Variants in SLC5A4 observed in about 807,000 individuals in gnomAD.
SLC5A4 encodes the protein probable glucose sensor protein SLC5A4.
A neutral mutation model predicts 70.3 loss-of-function variants in SLC5A4; 55 were observed. The observed-to-expected ratio is 0.78, with a 90% CI of 0.63 to 0.98. The LOEUF (loss-of-function observed/expected upper bound fraction) is 0.98, where lower values mean the gene tolerates loss of function less well. Ranked by LOEUF, SLC5A4 falls within the 50% of genes least tolerant of loss-of-function variation. The probability of loss-of-function intolerance (pLI) is 0.00; values close to 1 mark genes in which losing one functional copy is unlikely to be tolerated. For missense variants in SLC5A4, 735 were observed against 839.2 expected, an observed-to-expected ratio of 0.88 and a Z score of 1.53; for synonymous variants, 268 against 305.7, an observed-to-expected ratio of 0.88 and a Z score of 1.29.
the SLC5A4 span, among the ~76,000 whole-genome samples, chr22:32,309,476 G>A: frequency 0.45 from 68,366 of 151,684 alleles, 15,736 homozygotes; most frequent in Admixed American, 0.51. Flanking sequence ...CTAAAAACCG[G>A]TAACTCTAGA....
the SLC5A4 span, among the ~76,000 whole-genome samples, chr22:32,348,164 C>T: frequency 2.0e-5 from 3 of 152,090 alleles, no homozygotes; most frequent in Non-Finnish European, 4.4e-5. Context: ...GGGAGGTGTC[C>T]CGTTTTTTCC....
chr22:32,336,787 C>T, the SLC5A4 span, among the ~76,000 whole-genome samples: 1 of 152,228 alleles, frequency 6.6e-6, no homozygotes, highest in Non-Finnish European at 1.5e-5. Flanking sequence ...AAAGCCAGGG[C>T]AGGGTCAGAA....
chr22:32,270,117 G>A, the SLC5A4 span: 5 of 543,434 alleles, frequency 9.2e-6, no homozygotes, highest in Non-Finnish European at 1.4e-5. Flanking sequence ...GGACAAATCC[G>A]TGTCACAGGA....
the SLC5A4 span, among the ~76,000 whole-genome samples, chr22:32,348,868 A>G: frequency 6.6e-6 from 1 of 152,234 alleles, no homozygotes; most frequent in African/African-American, 2.4e-5. Flanking sequence ...GCTCAGACAC[A>G]CAATTCTTTA....
At chr22:32,239,169 T>A in intron 5 of SLC5A4, 79 bp from the exon 6 acceptor site, 1 of 991,064 alleles carries the variant, frequency 1.0e-6, no homozygotes, top group Non-Finnish European at 1.6e-6. Context: ...TCCACTCTAC[T>A]CAACCCTTCT....
At chr22:32,345,177 G>A in the SLC5A4 span, among the ~76,000 whole-genome samples, 1 of 151,952 alleles carries the variant, frequency 6.6e-6, no homozygotes, top group South Asian at 2.1e-4. Flanking sequence ...TGATATGAGG[G>A]ATAAATTAAC....
At chr22:32,328,501 C>A in the SLC5A4 span, among the ~76,000 whole-genome samples, 1 of 152,182 alleles carries the variant, frequency 6.6e-6, no homozygotes, top group African/African-American at 2.4e-5. Flanking sequence ...ATGCCATGAG[C>A]TACCCTGCGG....
the SLC5A4 span, among the ~76,000 whole-genome samples, chr22:32,309,769 C>T: frequency 6.6e-6 from 1 of 152,158 alleles, no homozygotes; most frequent in African/African-American, 2.4e-5. Context: ...CCACCTCACA[C>T]ATTTGACAGA....
At chr22:32,329,175 G>A in the SLC5A4 span, among the ~76,000 whole-genome samples, 8,265 of 152,286 alleles carry the variant, frequency 0.054, 355 homozygotes, top group African/African-American at 0.11. Context: ...GGAGGCAACT[G>A]AGGGCTCTGG....
chr22:32,245,038 G>A (rs986152395), intron 5 of SLC5A4, among the ~76,000 whole-genome samples: 1 of 152,164 alleles, frequency 6.6e-6, no homozygotes, highest in Admixed American at 6.5e-5. Context: ...AATAAAGACT[G>A]TAGATTAGAT....
chr22:32,230,645 A>G (rs1461191589), intron 10 of SLC5A4, among the ~76,000 whole-genome samples: 1 of 152,238 alleles, frequency 6.6e-6, no homozygotes, highest in Non-Finnish European at 1.5e-5. Flanking sequence ...CAGAAAAAAT[A>G]GTTTACCTCT....
the SLC5A4 span, among the ~76,000 whole-genome samples, chr22:32,326,361 A>G: frequency 6.6e-6 from 1 of 150,714 alleles, no homozygotes; most frequent in African/African-American, 2.5e-5. Flanking sequence ...AGTTCAAGCG[A>G]TTCTCCTGCC....
At chr22:32,268,971 C>T in the SLC5A4 span, among the ~76,000 whole-genome samples, 1 of 152,000 alleles carries the variant, frequency 6.6e-6, no homozygotes. Flanking sequence ...TCTCGGCTTA[C>T]TGCACGCTCT....
the SLC5A4 span, among the ~76,000 whole-genome samples, chr22:32,322,035 G>A: frequency 1.3e-5 from 2 of 152,194 alleles, no homozygotes; most frequent in East Asian, 3.9e-4. Flanking sequence ...GGACGGAGTA[G>A]GCTTGGAGGG....
rs139756654 is a variant in SLC5A4, at chr22:32,221,941, A to T, written c.1666-919T>A. Among the ~76,000 whole-genome samples, 590 of 152,276 alleles carry T rather than the reference A, an allele frequency of 3.9e-3. 2 individuals carry two copies. Among genetic ancestry groups the T allele is most frequent in the African/African-American group, 0.014 (566 of 41,560 alleles). ...GCTAATCTTTGTATTTTGAGTAGAG[A>T]CAGGGTTTCACTATGTTTTTGGCCA... On this transcript the variant is annotated intron_variant, in intron 13 of 14. Transcript: ENST00000266086.
At chr22:32,270,756 A>G in the SLC5A4 span, 44 of 630,872 alleles carry the variant, frequency 7.0e-5, 1 homozygote, top group African/African-American at 7.6e-4. Context: ...AGTGCACTGT[A>G]GGCAACCCCT....
the SLC5A4 span, among the ~76,000 whole-genome samples, chr22:32,280,367 G>T: frequency 2.6e-4 from 39 of 152,080 alleles, no homozygotes; most frequent in Admixed American, 2.6e-3. Flanking sequence ...AATGTCAAGG[G>T]TGCCTGCCCA....
chr22:32,349,474 A>C, the SLC5A4 span, among the ~76,000 whole-genome samples: 1 of 152,242 alleles, frequency 6.6e-6, no homozygotes, highest in Admixed American at 6.5e-5. Context: ...CAAACCACAT[A>C]ATCTGAACAA....
the SLC5A4 span, among the ~76,000 whole-genome samples, chr22:32,307,270 G>A: frequency 2.6e-5 from 4 of 152,032 alleles, no homozygotes; most frequent in Non-Finnish European, 5.9e-5. Context: ...GTAACTAATA[G>A]TCAAATCTGC....
Sources: gnomAD v4.1 joint callset for allele counts (sites outside exome capture counted in the v4.1 genomes callset) on GRCh38, gnomAD v4.1.1 for gene constraint, MANE v1.5 for transcripts, NCBI Gene and HGNC (gene_info 2026-07-23, HGNC 2026-07-21) for gene names.